RAB27B: variants seen among roughly 807,000 people sequenced by gnomAD.
RAB27B encodes RAB27B, member RAS oncogene family, also known as ras-related protein Rab-27B.
RAB27B carries 15 observed loss-of-function variants against 24.6 expected under a neutral mutation model. The ratio of observed to expected loss-of-function variants is 0.61; its 90% CI spans 0.41 to 0.94. The LOEUF is 0.94. RAB27B is among the 40% of genes least tolerant of loss of function. The pLI is 0.00. For missense variants in RAB27B, 261 were observed against 266.8 expected (o/e 0.98, Z 0.15); for synonymous variants, 105 against 92.5 (o/e 1.14, Z -0.78).
intron 2 of RAB27B, among the ~76,000 whole-genome samples, chr18:54,724,361 G>GT (rs1334233248): frequency 2.0e-5 from 3 of 151,498 alleles, no homozygotes; most frequent in Admixed American, 2.0e-4. Flanking sequence ...TACTAGAAAA[G>GT]TTAATGCATG....
chr18:54,786,683 A>G (rs1264394270), intron 2 of RAB27B, among the ~76,000 whole-genome samples: 2 of 152,376 alleles, frequency 1.3e-5, no homozygotes, highest in East Asian at 1.9e-4. Context: ...AAATGTTAAC[A>G]TAATACATTT....
chr18:54,889,482 A>C lies in RAB27B; in HGVS notation c.*69A>C. On this transcript the variant is annotated 3_prime_UTR_variant, in exon 6 of 6. Transcript: ENST00000262094. ...ACTTTTAAAAACAATGACAAACCACACAATTGTTGTTGAGTAAACCACGCA... is the reference window on the plus strand; with the variant it reads ...ACTTTTAAAAACAATGACAAACCACCCAATTGTTGTTGAGTAAACCACGCA... The C allele has an allele frequency of 1.4e-6, 2 of 1,396,550 alleles. No individual in the cohort carries two copies. The highest frequency in any genetic ancestry group is 1.9e-6 in the Non-Finnish European group (2 of 1,039,506). 86.5% of individuals were successfully genotyped at this position (1,396,550 alleles called of 1,614,324 possible). A position where few individuals can be genotyped will look rare whatever the true frequency, so the allele number is the denominator to read the frequency against.
intron 2 of RAB27B, among the ~76,000 whole-genome samples, chr18:54,757,403 T>A (rs1908040381): frequency 1.3e-5 from 2 of 152,202 alleles, no homozygotes; most frequent in South Asian, 4.1e-4. Flanking sequence ...GAAGACTATT[T>A]CCTTCTAAAC....
rs764729616 is a variant in RAB27B at position 54,877,668 on chromosome 18, G to A, written c.83G>A (p.Arg28Lys). ...SGVGKTTFLY[R>K]YTDNKFNPKF... ...GTGGGGAAGACAACATTTCTTTATA[G>A]ATACACAGATAATAAATTCAATCCC... The change falls in exon 2 of 6, where the codon AGA becomes AAA. Residue 28 changes from arginine to lysine, a missense_variant. Coordinates refer to ENST00000262094, the MANE Select transcript of RAB27B (RefSeq NM_004163.4). 3.8e-6 allele frequency: 6 copies of A among 1,595,716 alleles called. No individual in the cohort carries two copies. The highest frequency in any genetic ancestry group is 5.1e-6 in the Non-Finnish European group (6 of 1,174,888).
chr18:54,811,929 C>G (rs914244635), intron 2 of RAB27B, among the ~76,000 whole-genome samples: 1 of 152,188 alleles, frequency 6.6e-6, no homozygotes, highest in Non-Finnish European at 1.5e-5. Context: ...AACTTCCTAT[C>G]CATCCAATAC....
chr18:54,833,522 C>T (rs974277481), intron 1 of RAB27B, among the ~76,000 whole-genome samples: 3 of 152,152 alleles, frequency 2.0e-5, no homozygotes, highest in Middle Eastern at 3.4e-3. Context: ...CAACTGCACC[C>T]GGCCATGAAT....
intron 2 of RAB27B, among the ~76,000 whole-genome samples, chr18:54,733,655 C>A (rs866378959): frequency 1.5e-5 from 2 of 131,228 alleles, no homozygotes; most frequent in South Asian, 2.9e-4. Flanking sequence ...CTAGAGCCCC[C>A]CCCCCCCAAA....
upstream of RAB27B, among the ~76,000 whole-genome samples, chr18:54,826,091 T>TA (rs750505029): frequency 1.3e-5 from 2 of 152,238 alleles, no homozygotes; most frequent in African/African-American, 2.4e-5. Context: ...CAATAACATT[T>TA]AAAAAAATTC....
chr18:54,764,797 A>G (rs189895441), intron 2 of RAB27B, among the ~76,000 whole-genome samples: 9 of 152,264 alleles, frequency 5.9e-5, no homozygotes, highest in African/African-American at 2.2e-4. Context: ...TATCTACTCC[A>G]GGGAAGGTGT....
intron 2 of RAB27B, among the ~76,000 whole-genome samples, chr18:54,797,912 C>G (rs1024451976): frequency 3.3e-5 from 5 of 152,158 alleles, no homozygotes; most frequent in Admixed American, 3.3e-4. Flanking sequence ...ACTGGCTGTG[C>G]AATAGAAATA....
intron 2 of RAB27B, among the ~76,000 whole-genome samples, chr18:54,723,051 T>A (rs539862345): frequency 6.6e-6 from 1 of 152,344 alleles, no homozygotes; most frequent in Admixed American, 6.5e-5. Flanking sequence ...TGGACTTGAT[T>A]GAGACAACTT....
chr18:54,831,868 C>T lies in RAB27B; in HGVS notation c.-20+3168C>T, dbSNP rs376206263. On this transcript the variant is annotated intron_variant, in intron 1 of 5. Transcript: ENST00000262094. ...TTGGCTCACTGCAACCTCCACATCC[C>T]GGGTTCAGGTGATTCTCCTGCCTCA... Among the ~76,000 whole-genome samples the T allele has an allele frequency of 1.3e-3, 193 of 152,060 alleles. 5 individuals carry two copies. In the South Asian group the frequency reaches 0.035, roughly 27 times the overall value.
intron 2 of RAB27B, among the ~76,000 whole-genome samples, chr18:54,820,589 T>C (rs867807441): frequency 6.6e-6 from 1 of 152,252 alleles, no homozygotes; most frequent in African/African-American, 2.4e-5. Context: ...TGATGGTAGT[T>C]TCTTTTGCTG....
chr18:54,887,944 A>C, intron 4 of RAB27B, 51 bp from the exon 5 acceptor site: 1 of 1,583,968 alleles, frequency 6.3e-7, no homozygotes, highest in South Asian at 1.2e-5. Context: ...CAGTCATTTG[A>C]CATCACTTAT....
At chr18:54,871,417 A>G (rs912243878) in intron 1 of RAB27B, among the ~76,000 whole-genome samples, 1 of 152,210 alleles carries the variant, frequency 6.6e-6, no homozygotes, top group African/African-American at 2.4e-5. Context: ...AGAGTTCCAG[A>G]TCTGAAAATG....
At chr18:54,725,995 T>C (rs1229330106) in intron 2 of RAB27B, among the ~76,000 whole-genome samples, 1 of 151,640 alleles carries the variant, frequency 6.6e-6, no homozygotes, top group East Asian at 1.9e-4. Context: ...ATATTGATAC[T>C]TCATGACAGC....
chr18:54,838,283 A>G (rs1032897277), intron 1 of RAB27B, among the ~76,000 whole-genome samples: 1 of 152,164 alleles, frequency 6.6e-6, no homozygotes, highest in East Asian at 1.9e-4. Flanking sequence ...ATTGTCAAGA[A>G]ATTGACTTGA....
upstream of RAB27B, among the ~76,000 whole-genome samples, chr18:54,824,173 T>G (rs985293706): frequency 3.9e-5 from 6 of 152,226 alleles, no homozygotes; most frequent in Non-Finnish European, 8.8e-5. Flanking sequence ...ATTCTCTTGT[T>G]GGCATTCCCA....
chr18:54,840,806 C>T (rs1424611140), intron 1 of RAB27B, among the ~76,000 whole-genome samples: 4 of 152,160 alleles, frequency 2.6e-5, no homozygotes, highest in Non-Finnish European at 5.9e-5. Context: ...GACTGGGTAT[C>T]TTTGACAATA....
Sources: gnomAD v4.1 joint callset for allele counts (sites outside exome capture counted in the v4.1 genomes callset) on GRCh38, gnomAD v4.1.1 for gene constraint, MANE v1.5 for transcripts, NCBI Gene and HGNC (gene_info 2026-07-23, HGNC 2026-07-21) for gene names.